The following CDKN2B-AS1 variants were observed in gnomAD, a reference collection of about 807,000 sequenced individuals.
The protein encoded by CDKN2B-AS1 is CDKN2B and CDKN2A antisense cis and trans regulatory RNA 1.
chr9:22,009,417 G>A (rs36229156), intron 1 of CDKN2B-AS1: 2 of 299,462 alleles, frequency 6.7e-6, no homozygotes, highest in Admixed American at 4.8e-5. Context: ...GGCCAGGCCC[G>A]GGCCGACGCG....
At chr9:22,040,455 T>C (rs557574524) in intron 1 of CDKN2B-AS1, among the ~76,000 whole-genome samples, 9 of 152,078 alleles carry the variant, frequency 5.9e-5, no homozygotes, top group Admixed American at 5.9e-4. Flanking sequence ...ACAACCAGAC[T>C]ATAGTGGAGA....
rs1302959290 is a variant in CDKN2B-AS1, at chr9:21,995,252, C to G, written n.29+91C>G. ...CGTCGCCGAGGGCGCCTGGCTGGGA[C>G]AAGCACCGAGTCCTTTGTGTCTAGC... On this transcript the variant is annotated intron_variant and non_coding_transcript_variant, in intron 1 of 4. Coordinates refer to ENST00000650946, the Ensembl canonical transcript of CDKN2B-AS1. This position sits in a 1 kb window ranked among gnomAD's most constrained non-coding sequence, Gnocchi z 5.7. The G allele has an allele frequency of 2.0e-5, 3 of 152,282 alleles. No individual in the cohort carries two copies. Among genetic ancestry groups the G allele is most frequent in the Non-Finnish European group, 4.4e-5 (3 of 68,084 alleles). The allele number at this position is 152,282 out of a possible 1,614,324, so 9.4% of individuals were successfully genotyped here. A position where few individuals can be genotyped will look rare whatever the true frequency, so the allele number is the denominator to read the frequency against.
At chr9:21,998,758 C>G (rs3218009) in intron 1 of CDKN2B-AS1, among the ~76,000 whole-genome samples, 11,914 of 152,178 alleles carry the variant, frequency 0.078, 661 homozygotes, top group Non-Finnish European at 0.13. Flanking sequence ...AACTTAATGT[C>G]CTATGACACT....
At position 22,005,928 on chromosome 9, in the gene CDKN2B-AS1, T is replaced by C. The variant is rs1338582907; in HGVS notation, n.29+10767T>C. The C allele has an allele frequency of 1.9e-6, 3 of 1,567,214 alleles. No individual in the cohort carries two copies. In the East Asian group the frequency reaches 6.8e-5, roughly 36 times the overall value. ...GGCAGCCTTCATCGAATTAGGTGGG[T>C]GGGGGTGGGAAATTGGGTAAGAAAA... On this transcript the variant is annotated intron_variant and non_coding_transcript_variant, in intron 1 of 4. Transcript: ENST00000650946. The surrounding 1 kb of genome is among the most constrained non-coding windows in gnomAD (Gnocchi z 4.9).
At chr9:22,050,750 C>T (rs555575104) in intron 3 of CDKN2B-AS1, among the ~76,000 whole-genome samples, 1 of 152,130 alleles carries the variant, frequency 6.6e-6, no homozygotes, top group Non-Finnish European at 1.5e-5. Flanking sequence ...CTGGCACTGT[C>T]TAGGGAAGCT....
intron 1 of CDKN2B-AS1, among the ~76,000 whole-genome samples, chr9:22,002,292 A>C (rs1820953018): frequency 6.6e-6 from 1 of 152,068 alleles, no homozygotes; most frequent in African/African-American, 2.4e-5. Flanking sequence ...GTGCTTCTTC[A>C]GATAATGTCT....
chr9:22,106,595 G>A (rs1267374603), intron 4 of CDKN2B-AS1, among the ~76,000 whole-genome samples: 2 of 152,166 alleles, frequency 1.3e-5, no homozygotes, highest in Non-Finnish European at 2.9e-5. Context: ...AGTTGTTAAA[G>A]ATTAAATAAT....
At chr9:22,009,397 A>T (rs1452385838) in intron 1 of CDKN2B-AS1, 1 of 306,096 alleles carries the variant, frequency 3.3e-6, no homozygotes, top group East Asian at 5.7e-5. Flanking sequence ...GTCCGCTGTG[A>T]TCGCCGGGAG....
intron 1 of CDKN2B-AS1, chr9:22,012,081 C>A: frequency 1.5e-6 from 1 of 667,840 alleles, no homozygotes; most frequent in South Asian, 1.8e-5. Context: ...CTGTATATGA[C>A]CTTGATATAG....
chr9:22,067,831 G>A (rs10811651), intron 4 of CDKN2B-AS1, among the ~76,000 whole-genome samples: 98,522 of 152,046 alleles, frequency 0.65, 32,195 homozygotes, highest in Middle Eastern at 0.79. Context: ...CAATCTGTAC[G>A]TTAGGGTTCA....
intron 4 of CDKN2B-AS1, among the ~76,000 whole-genome samples, chr9:22,085,660 G>A (rs889015645): frequency 6.6e-6 from 1 of 150,760 alleles, no homozygotes; most frequent in African/African-American, 2.5e-5. Flanking sequence ...GGAGGAGCTT[G>A]CAGTGAGCCG....
intron 1 of CDKN2B-AS1, chr9:22,009,314 A>C (rs1399504056): frequency 9.5e-6 from 4 of 420,212 alleles, no homozygotes; most frequent in African/African-American, 6.2e-5. Context: ...GTGGGGAGCC[A>C]GCCGGCAAAG....
intron 4 of CDKN2B-AS1, among the ~76,000 whole-genome samples, chr9:22,066,925 T>A (rs899084999): frequency 1.3e-5 from 2 of 152,102 alleles, no homozygotes; most frequent in Non-Finnish European, 2.9e-5. Flanking sequence ...GGGACATGGA[T>A]GAAGCTGGAA....
At chr9:22,010,512 TG>T (rs1218423679) in intron 1 of CDKN2B-AS1, among the ~76,000 whole-genome samples, 2 of 149,374 alleles carry the variant, frequency 1.3e-5, no homozygotes, top group Admixed American at 1.3e-4. Flanking sequence ...AGTCTTCACA[TG>T]TTTTTTTTAG....
At chr9:22,116,499 C>T (rs562434069) in intron 4 of CDKN2B-AS1, among the ~76,000 whole-genome samples, 5 of 152,132 alleles carry the variant, frequency 3.3e-5, no homozygotes, top group Admixed American at 1.3e-4. Flanking sequence ...GGATGAAAAT[C>T]GAGCAGGAAG....
intron 1 of CDKN2B-AS1, among the ~76,000 whole-genome samples, chr9:22,031,765 C>G (rs1474070910): frequency 6.6e-6 from 1 of 152,210 alleles, no homozygotes; most frequent in Non-Finnish European, 1.5e-5. Context: ...GAGTATCTTG[C>G]TCATACCAAT....
At chr9:22,125,885 T>A (rs1219401420) in intron 4 of CDKN2B-AS1, among the ~76,000 whole-genome samples, 1 of 152,230 alleles carries the variant, frequency 6.6e-6, no homozygotes, top group African/African-American at 2.4e-5. Flanking sequence ...TAAGCAGATA[T>A]TCCAAGATCT....
In CDKN2B-AS1 at chr9:21,997,366, G is replaced by A. The variant is rs1015348320; in HGVS notation, n.29+2205G>A. 3.3e-5 allele frequency among the ~76,000 whole-genome samples: 5 copies of A among 152,106 alleles called. No homozygotes were observed. The highest frequency in any genetic ancestry group is 1.2e-4 in the African/African-American group (5 of 41,414). ...TATGGGACACCACCAATATGTGACT[G>A]TGGTTGACTGAAGCATCGTTATCCA... On this transcript the variant is annotated intron_variant and non_coding_transcript_variant, in intron 1 of 4. Coordinates refer to ENST00000650946, the Ensembl canonical transcript of CDKN2B-AS1. This position sits in a 1 kb window ranked among gnomAD's most constrained non-coding sequence, Gnocchi z 4.8.
At chr9:22,075,892 T>C (rs1587498230) in intron 4 of CDKN2B-AS1, among the ~76,000 whole-genome samples, 1 of 152,072 alleles carries the variant, frequency 6.6e-6, no homozygotes, top group African/African-American at 2.4e-5. Flanking sequence ...TTTCTAAGAA[T>C]GGGGGCTCTG....
Sources: allele counts gnomAD v4.1 joint callset (sites outside exome capture counted in the v4.1 genomes callset), GRCh38; gene constraint gnomAD v4.1.1; non-coding constraint Gnocchi (gnomAD v3.1); transcripts MANE v1.5; gene names NCBI Gene and HGNC (gene_info 2026-07-23, HGNC 2026-07-21).